Variants in MICAL1 observed in about 807,000 individuals in gnomAD.
The protein encoded by MICAL1 is microtubule associated monooxygenase, calponin and LIM domain containing 1.
MICAL1 carries 95 observed loss-of-function variants against 131.8 expected under a neutral mutation model. The ratio of observed to expected loss-of-function variants is 0.72; its 90% confidence interval spans 0.61 to 0.86. MICAL1 has a LOEUF of 0.86. Ranked by LOEUF, MICAL1 falls within the 40% of genes least tolerant of loss-of-function variation. MICAL1 has a pLI of 0.00. For synonymous variants in MICAL1, 546 were observed against 554.2 expected (o/e 0.99, Z 0.21); for missense variants, 1,292 against 1,380.6 (o/e 0.94, Z 1.02).
chr6:109,454,365 T>A, intron 1 of MICAL1, 126 bp from the exon 2 acceptor site: 1 of 936,838 alleles, frequency 1.1e-6, no homozygotes, highest in Non-Finnish European at 1.5e-6. Flanking sequence ...GCTCTGCTCC[T>A]CCCAGCCCAT....
chr6:109,446,088 T>C, intron 19 of MICAL1, 48 bp downstream of exon 19: 1 of 1,517,718 alleles, frequency 6.6e-7, no homozygotes, highest in Non-Finnish European at 8.8e-7. Context: ...AAGCCAGTGC[T>C]CCCACCCTGT....
At chr6:109,456,166 C>A (rs1009110872), upstream of MICAL1, among the ~76,000 whole-genome samples, 2 of 152,218 alleles carry the variant, frequency 1.3e-5, no homozygotes, top group African/African-American at 4.8e-5. Context: ...GCGTGCAAGG[C>A]TAGCTCTTTC....
chr6:109,447,851 T>C, intron 14 of MICAL1, 24 bp downstream of exon 14: 2 of 1,612,866 alleles, frequency 1.2e-6, no homozygotes, highest in Non-Finnish European at 8.5e-7. Context: ...CCTGCTCAGC[T>C]CCAGCCCTGC....
Position 109,449,947 on chromosome 6 carries a change from ATCC to A in MICAL1, c.1307+20_1307+22del, listed in dbSNP as rs954918716. On this transcript the variant is annotated intron_variant, in intron 9 of 24. Coordinates refer to ENST00000358807, the MANE Select transcript of MICAL1 (RefSeq NM_022765.4). ...TTGTCACATGTCCTGCCCTGCCCACATCCTCCTCAACTCAGGTCTTACCGCTCA... is the reference window on the plus strand; with the variant it reads ...TTGTCACATGTCCTGCCCTGCCCACATCCTCAACTCAGGTCTTACCGCTCA... The A allele has an allele frequency of 7.4e-6, 12 of 1,611,666 alleles. No homozygotes were observed. Among genetic ancestry groups the A allele is most frequent in the African/African-American group, 1.3e-5 (1 of 74,754 alleles).
Position 109,450,188 on chromosome 6 carries a change from C to A in MICAL1, c.1192-103G>T, listed in dbSNP as rs577944320. 4 of 1,560,126 alleles carry A rather than the reference C, an allele frequency of 2.6e-6. No individual in the cohort carries two copies. The African/African-American group carries it at 5.4e-5, about 21-fold the overall frequency. On this transcript the variant is annotated intron_variant, in intron 8 of 24. Coordinates refer to ENST00000358807, the MANE Select transcript of MICAL1 (RefSeq NM_022765.4). ...CACAGCAGAAGGGGCCATCCCCACA[C>A]CAGGCAGCCCTTAGCTCCTCCCCTC...
intron 5 of MICAL1, 43 bp from the exon 6 acceptor site, chr6:109,452,444 A>G (rs746695528): frequency 6.2e-7 from 1 of 1,611,526 alleles, no homozygotes; most frequent in Non-Finnish European, 8.5e-7. Flanking sequence ...GGAGGGGGTT[A>G]TAACAATCTA....
chr6:109,448,243 G>C lies in MICAL1; in HGVS notation c.1815C>G (p.Ser605Arg). 1 of 1,613,534 alleles carries C rather than the reference G, an allele frequency of 6.2e-7. No homozygotes were observed. The highest frequency in any genetic ancestry group is 8.5e-7 in the Non-Finnish European group (1 of 1,180,008). The change falls in exon 13 of 25, where the codon AGC (serine) becomes AGG (arginine). Residue 605 changes from serine (S) to arginine (R), a missense_variant. Transcript: ENST00000358807. The stretch of plus-strand genomic sequence containing the variant: ...TGCTCTTGAAGGCACTGTGGAAGTG[G>C]CTGAGGTAGGCAATGAGGCCCAGTG... Reference protein sequence around the residue: ...SDPLGLIAYLSHFHSAFKSMA... With the variant: ...SDPLGLIAYLRHFHSAFKSMA...
chr6:109,445,733 C>G, intron 20 of MICAL1, 38 bp downstream of exon 20: 1 of 1,591,362 alleles, frequency 6.3e-7, no homozygotes, highest in Non-Finnish European at 8.6e-7. Flanking sequence ...CTGTAGTGGG[C>G]TGGAGAGCGT....
At chr6:109,447,554 G>A in intron 15 of MICAL1, 114 bp from the exon 16 acceptor site, 4 of 1,524,790 alleles carry the variant, frequency 2.6e-6, no homozygotes, top group South Asian at 2.3e-5. Context: ...TAGGCAGGGA[G>A]GCTGGATGGG....
chr6:109,446,339 C>T lies in MICAL1; in HGVS notation c.2378G>A (p.Gly793Asp). The change falls in exon 19 of 25, where the codon GGT (glycine) becomes GAT (aspartate). Residue 793 changes from glycine to aspartate, a missense_variant. Gly to Asp is a moderately conservative substitution (Grantham distance 94). Coordinates refer to ENST00000358807, the MANE Select transcript of MICAL1 (RefSeq NM_022765.4). ...GGGCTGGCTGGGATCTGGAACAGGA[C>T]CGGCCCCCTCCTGCGAGGCTGTGGG... ...STPTASQEGA[G>D]PVPDPSQPTR... 6.2e-7 allele frequency: 1 copy of T among 1,613,304 alleles called. No individual in the cohort carries two copies. The highest frequency in any genetic ancestry group is 8.5e-7 in the Non-Finnish European group (1 of 1,179,882).
At chr6:109,453,423 G>A (rs1016570787) in intron 3 of MICAL1, 56 bp from the exon 4 acceptor site, 1 of 1,568,152 alleles carries the variant, frequency 6.4e-7, no homozygotes, top group African/African-American at 1.3e-5. Context: ...AGCTCCCCAT[G>A]TACCAGTGTG....
chr6:109,461,855 G>T (rs906072453), intron 1 of MICAL1, among the ~76,000 whole-genome samples: 1 of 152,116 alleles, frequency 6.6e-6, no homozygotes, highest in Non-Finnish European at 1.5e-5. Context: ...CCTAGTTCTG[G>T]TTCTACCACT....
rs749291145 is a variant in MICAL1 at position 109,447,174 on chromosome 6, C to T, written c.2126G>A (p.Arg709His). Reference protein sequence around the residue: ...LCGEHLYVLERLCVNGHFFHR... With the variant: ...LCGEHLYVLEHLCVNGHFFHR... ...GAAGAAATGGCCGTTGACACAGAGG[C>T]GTTCCAGGACATAGAGGTGTTCCCC... The change falls in exon 17 of 25, where the codon CGC (arginine) becomes CAC (histidine). Residue 709 changes from arginine to histidine, a missense_variant. Coordinates refer to ENST00000358807, the MANE Select transcript of MICAL1 (RefSeq NM_022765.4). The T allele has an allele frequency of 3.0e-5, 49 of 1,614,052 alleles. No homozygotes were observed. In the East Asian group the frequency reaches 3.3e-4, roughly 11 times the overall value.
chr6:109,455,667 C>T lies in MICAL1; in HGVS notation c.-44+52G>A, dbSNP rs1775718223. On this transcript the variant is annotated intron_variant, in intron 1 of 24. Coordinates refer to ENST00000358807, the MANE Select transcript of MICAL1 (RefSeq NM_022765.4). This position sits in a 1 kb window ranked among gnomAD's most constrained non-coding sequence, Gnocchi z 4.7. ...TGCGTTTCCCCGGAAGCGCACCCCACCTCACCCCACCCGGCCGCGGGGCTC... is the reference window on the plus strand; with the variant it reads ...TGCGTTTCCCCGGAAGCGCACCCCATCTCACCCCACCCGGCCGCGGGGCTC... The T allele has an allele frequency of 2.0e-6, 2 of 983,484 alleles. No homozygotes were observed. Among genetic ancestry groups the T allele is most frequent in the Non-Finnish European group, 2.4e-6 (2 of 828,232 alleles). The allele number at this position is 983,484 out of a possible 1,614,324, so 60.9% of individuals were successfully genotyped here.
At chr6:109,446,669 A>G (rs1437927715) in intron 18 of MICAL1, 27 bp downstream of exon 18, 3 of 1,607,954 alleles carry the variant, frequency 1.9e-6, no homozygotes, top group African/African-American at 1.3e-5. Flanking sequence ...CCATGCCCCA[A>G]TATACATACA....
rs1775714011 is a variant in MICAL1, at chr6:109,455,547, A to G, written c.-44+172T>C. On this transcript the variant is annotated intron_variant, in intron 1 of 24. Coordinates refer to ENST00000358807, the MANE Select transcript of MICAL1 (RefSeq NM_022765.4). This position sits in a 1 kb window ranked among gnomAD's most constrained non-coding sequence, Gnocchi z 4.7. ...CGGGCGGCAGCGGTGGGGGTCCCCG[A>G]CACTGGACGGCAAAGTCCGGACGCG... 2 of 294,078 alleles carry G rather than the reference A, an allele frequency of 6.8e-6. No homozygotes were observed. The highest frequency in any genetic ancestry group is 1.0e-5 in the Non-Finnish European group (2 of 197,584). 18.2% of individuals were successfully genotyped at this position (294,078 alleles called of 1,614,324 possible).
At position 109,452,440 on chromosome 6, in the gene MICAL1, G is replaced by A. The variant is rs200760426; in HGVS notation, c.677-39C>T. On this transcript the variant is annotated intron_variant, in intron 5 of 24. Coordinates refer to ENST00000358807, the MANE Select transcript of MICAL1 (RefSeq NM_022765.4). ...TAGGTGAACAATGGCAGGAGGAGGG[G>A]GTTATAACAATCTAGAAAGGCCCAG... 84 of 1,611,578 alleles carry A rather than the reference G, an allele frequency of 5.2e-5. No individual in the cohort carries two copies. The Admixed American group carries it at 9.0e-4, about 17-fold the overall frequency.
intron 7 of MICAL1, 93 bp from the exon 8 acceptor site, chr6:109,450,650 G>C: frequency 7.1e-7 from 1 of 1,410,910 alleles, no homozygotes; most frequent in Non-Finnish European, 9.4e-7. Context: ...TGCACATCCT[G>C]GGGCCCAGAG....
At chr6:109,465,883 G>A (rs778202357) in exon 1 of MICAL1, 1 of 1,614,042 alleles carries the variant, frequency 6.2e-7, no homozygotes, top group African/African-American at 1.3e-5. Context: ...GGCGTTGGCT[G>A]GGGCACGTGG....
Sources: gnomAD v4.1 joint callset for allele counts (sites outside exome capture counted in the v4.1 genomes callset) on GRCh38, gnomAD v4.1.1 for gene constraint, Gnocchi (gnomAD v3.1) non-coding constraint, MANE v1.5 for transcripts, NCBI Gene and HGNC (gene_info 2026-07-23, HGNC 2026-07-21) for gene names.